RUFY3: variants seen among roughly 807,000 people sequenced by gnomAD.
RUFY3 encodes the protein protein RUFY3.
In RUFY3, 34 loss-of-function variants were observed where a neutral mutation model predicts 84.0. The ratio of observed to expected loss-of-function variants is 0.40; its 90% confidence interval spans 0.31 to 0.54. The LOEUF (loss-of-function observed/expected upper bound fraction) is 0.54, where lower values mean the gene tolerates loss of function less well. Ranked by LOEUF, RUFY3 falls within the 20% of genes least tolerant of loss-of-function variation. RUFY3 has a pLI of 0.39. For missense variants in RUFY3, 507 were observed against 736.8 expected (o/e 0.69, Z 3.61); for synonymous variants, 242 against 252.9 (o/e 0.96, Z 0.41).
chr4:70,782,856 G>A (rs1332012662), intron 8 of RUFY3, among the ~76,000 whole-genome samples: 1 of 152,078 alleles, frequency 6.6e-6, no homozygotes, highest in Non-Finnish European at 1.5e-5. Flanking sequence ...AGGTTACAGT[G>A]ACCCGAGATT....
At position 70,804,429 on chromosome 4, in the gene RUFY3, A is replaced by C. The variant is rs375466868; in HGVS notation, c.1719+13A>C. On this transcript the variant is annotated intron_variant, in intron 17 of 17. Coordinates refer to ENST00000381006, the MANE Select transcript of RUFY3 (RefSeq NM_001037442.4). The stretch of plus-strand genomic sequence containing the variant: ...CAGCCTAACAAAGGTAACTGTGATG[A>C]GAAACGGACAGGCTTTTCATAGGGA... 2.8e-5 allele frequency: 45 copies of C among 1,611,310 alleles called. No individual in the cohort carries two copies. In the African/African-American group the frequency reaches 5.3e-4, roughly 19 times the overall value.
intron 1 of RUFY3, among the ~76,000 whole-genome samples, chr4:70,711,595 C>T (rs560956176): frequency 6.6e-6 from 1 of 152,320 alleles, no homozygotes; most frequent in South Asian, 2.1e-4. Flanking sequence ...TTTTCTGATC[C>T]ATTAAGTGCC....
rs377234728 is a variant in RUFY3, at chr4:70,747,175, A to G, written c.179-15344A>G. ...TCCCAAGGTCACACAGCTAGGGAAGAGTTTGAATAGAGTTCAAACTCCCAC... is the reference window on the plus strand; with the variant it reads ...TCCCAAGGTCACACAGCTAGGGAAGGGTTTGAATAGAGTTCAAACTCCCAC... On this transcript the variant is annotated intron_variant, in intron 1 of 17. Transcript: ENST00000381006. 2.6e-5 allele frequency among the ~76,000 whole-genome samples: 4 copies of G among 152,348 alleles called. No individual in the cohort carries two copies. In the East Asian group the frequency reaches 7.7e-4, roughly 29 times the overall value.
At chr4:70,716,063 G>A (rs539649602) in intron 1 of RUFY3, among the ~76,000 whole-genome samples, 23 of 152,030 alleles carry the variant, frequency 1.5e-4, no homozygotes, top group East Asian at 1.4e-3. Flanking sequence ...GCAATGAGCC[G>A]AGATCGTGCC....
chr4:70,719,269 GT>G (rs977523182), upstream of RUFY3, among the ~76,000 whole-genome samples: 1 of 152,196 alleles, frequency 6.6e-6, no homozygotes, highest in Non-Finnish European at 1.5e-5. Flanking sequence ...AACTTTAGTT[GT>G]TTTGGGCTTG....
At chr4:70,790,947 G>A (rs560767922) in intron 12 of RUFY3, among the ~76,000 whole-genome samples, 36 of 152,194 alleles carry the variant, frequency 2.4e-4, no homozygotes, top group African/African-American at 8.2e-4. Context: ...AAATGTATCA[G>A]TCTACCTAGG....
At chr4:70,734,106 T>G (rs943536094) in intron 1 of RUFY3, among the ~76,000 whole-genome samples, 10 of 152,220 alleles carry the variant, frequency 6.6e-5, no homozygotes, top group Non-Finnish European at 1.3e-4. Context: ...AGGCATTTTA[T>G]TTTGGGTTTT....
chr4:70,753,190 C>T (rs2148677591), intron 1 of RUFY3, among the ~76,000 whole-genome samples: 1 of 152,160 alleles, frequency 6.6e-6, no homozygotes, highest in South Asian at 2.1e-4. Context: ...TACAGTTGTC[C>T]GTAGTATTCC....
chr4:70,762,707 C>A lies in RUFY3; in HGVS notation c.352+15C>A. On this transcript the variant is annotated intron_variant, in intron 2 of 17. Transcript: ENST00000381006. ...TGGCTTGAAAGGTAGGCCATCACCC[C>A]AAAATGCAAATATGCATGCAGCTGT... 6.3e-7 allele frequency: 1 copy of A among 1,599,460 alleles called. No homozygotes were observed. The highest frequency in any genetic ancestry group is 8.5e-7 in the Non-Finnish European group (1 of 1,169,774).
At chr4:70,804,908 GAGC>G (rs1732678551) in intron 17 of RUFY3, among the ~76,000 whole-genome samples, 1 of 152,136 alleles carries the variant, frequency 6.6e-6, no homozygotes, top group Non-Finnish European at 1.5e-5. Flanking sequence ...CTGGGCAACA[GAGC>G]GAGACTCTGT....
At position 70,722,515 on chromosome 4, in the gene RUFY3, G is replaced by T. The variant is rs1175778081; in HGVS notation, c.-59G>T. ...TGAGGAGGTTGTATTTATTTTTTTG[G>T]TGTGTGTGTGTGAGTGTGTGTGTGT... On this transcript the variant is annotated 5_prime_UTR_variant, in exon 1 of 18. Coordinates refer to ENST00000381006, the MANE Select transcript of RUFY3 (RefSeq NM_001037442.4). 5.6e-6 allele frequency: 8 copies of T among 1,419,936 alleles called. No homozygotes were observed. The highest frequency in any genetic ancestry group is 4.4e-5 in the Admixed American group (2 of 45,632). The allele number at this position is 1,419,936 out of a possible 1,614,324, so 88.0% of individuals were successfully genotyped here. A position where few individuals can be genotyped will look rare whatever the true frequency, so the allele number is the denominator to read the frequency against.
chr4:70,750,039 T>C (rs1168986748), intron 1 of RUFY3, among the ~76,000 whole-genome samples: 2 of 151,986 alleles, frequency 1.3e-5, no homozygotes, highest in Non-Finnish European at 2.9e-5. Flanking sequence ...TCAACCCTGT[T>C]GCCCAGGCCA....
intron 1 of RUFY3, among the ~76,000 whole-genome samples, chr4:70,759,372 ATGTGTGTG>A (rs56698934): frequency 6.3e-4 from 92 of 146,982 alleles, no homozygotes; most frequent in African/African-American, 2.0e-3. Flanking sequence ...GTGTGTGTGT[ATGTGTGTG>A]TGTGTGTGTG....
chr4:70,774,735 TACAG>T (rs1396932634), intron 6 of RUFY3, among the ~76,000 whole-genome samples: 1 of 146,328 alleles, frequency 6.8e-6, no homozygotes, highest in African/African-American at 2.5e-5. Context: ...AAATAGCACT[TACAG>T]ACAAATATTT....
Position 70,714,164 on chromosome 4 carries a change from C to T in RUFY3, c.358+8870C>T, listed in dbSNP as rs535104685. On this transcript the variant is annotated intron_variant, in intron 1 of 11. Transcript: ENST00000417478. ...CTAGGATTCACTGTGAGCATGCTGA[C>T]TCCAGAGTCCACATGCTATGTCACA... Among the ~76,000 whole-genome samples the T allele has an allele frequency of 7.9e-4, 120 of 152,252 alleles. 2 individuals are homozygous for T. Among genetic ancestry groups the T allele is most frequent in the Non-Finnish European group, 1.5e-3 (104 of 68,026 alleles).
chr4:70,762,747 T>C, intron 2 of RUFY3, 55 bp downstream of exon 2: 3 of 1,456,656 alleles, frequency 2.1e-6, no homozygotes, highest in African/African-American at 2.8e-5. Context: ...TAGCAATGCA[T>C]ACTATAGAAG....
At position 70,802,968 on chromosome 4, in the gene RUFY3, C is replaced by A; in HGVS notation, c.1635C>A (p.His545Gln). The A allele has an allele frequency of 3.1e-6, 5 of 1,608,786 alleles. No individual in the cohort carries two copies. Among genetic ancestry groups the A allele is most frequent in the Non-Finnish European group, 4.2e-6 (5 of 1,177,126 alleles). ...TTCTCCATTGTAGGCTGCAACCCCA[C>A]CCTATGGATGAACAGGTAACAGAGC... ...PLEESHRLQP[H>Q]PMDEQDQLLL... Residue 545 changes from histidine (H) to glutamine (Q), a missense_variant, in exon 16 of 18, where the codon CAC becomes CAA. Physicochemically the swap from His to Gln is conservative, Grantham distance 24. Transcript: ENST00000381006.
intron 10 of RUFY3, among the ~76,000 whole-genome samples, chr4:70,785,546 G>A (rs982177921): frequency 6.6e-5 from 10 of 151,814 alleles, no homozygotes; most frequent in South Asian, 2.1e-4. Flanking sequence ...ATTAAAAATC[G>A]GGCCAGGCAC....
At chr4:70,802,794 TG>T in intron 15 of RUFY3, 161 bp from the exon 16 acceptor site, 1 of 495,778 alleles carries the variant, frequency 2.0e-6, no homozygotes, top group Non-Finnish European at 3.5e-6. Flanking sequence ...TTCCTCTCCT[TG>T]GAGGTCAAAA....
Sources: gnomAD v4.1 joint callset for allele counts (sites outside exome capture counted in the v4.1 genomes callset) on GRCh38, gnomAD v4.1.1 for gene constraint, MANE v1.5 for transcripts, NCBI Gene and HGNC (gene_info 2026-07-23, HGNC 2026-07-21) for gene names.